ABCA10: variants seen among roughly 807,000 people sequenced by gnomAD.
The protein encoded by ABCA10 is ATP binding cassette subfamily A member 10.
Under a neutral mutation model 187.5 loss-of-function variants are expected in ABCA10, and 169 were observed. The observed-to-expected ratio is 0.90, with a 90% CI of 0.80 to 1.02. ABCA10 has a LOEUF of 1.02. Among genes scored for constraint, ABCA10 ranks in the 50% least tolerant of loss-of-function variants. The pLI is 0.00. For missense variants in ABCA10, 1,727 were observed against 1,812.4 expected (o/e 0.95, Z 0.86); for synonymous variants, 574 against 601.8 (o/e 0.95, Z 0.68).
chr17:69,157,609 G>A (rs1235314298), intron 27 of ABCA10, among the ~76,000 whole-genome samples: 1 of 152,120 alleles, frequency 6.6e-6, no homozygotes, highest in East Asian at 1.9e-4. Context: ...GTACCAGACT[G>A]GTAGTGTCCC....
chr17:69,199,380 T>A (rs1317694922), intron 10 of ABCA10, among the ~76,000 whole-genome samples: 1 of 152,216 alleles, frequency 6.6e-6, no homozygotes, highest in Non-Finnish European at 1.5e-5. Flanking sequence ...TAATGATGAA[T>A]AAGTTAAAAA....
At chr17:69,187,168 G>A in intron 19 of ABCA10, among the ~76,000 whole-genome samples, 1 of 152,078 alleles carries the variant, frequency 6.6e-6, no homozygotes, top group East Asian at 1.9e-4. Context: ...AAAACTGGCT[G>A]AAATCAGCTG....
At chr17:69,218,379 T>C (rs894425733) in intron 6 of ABCA10, among the ~76,000 whole-genome samples, 4 of 152,274 alleles carry the variant, frequency 2.6e-5, no homozygotes, top group African/African-American at 9.6e-5. Flanking sequence ...TTATAAGTTA[T>C]AGGTTTTAGG....
chr17:69,157,918 G>C (rs946533522), intron 27 of ABCA10, among the ~76,000 whole-genome samples: 3 of 151,640 alleles, frequency 2.0e-5, no homozygotes, highest in Admixed American at 1.3e-4. Context: ...GGGAGGGGGG[G>C]ATTTCTTAAA....
At chr17:69,159,309 T>A (rs757354419) in intron 27 of ABCA10, among the ~76,000 whole-genome samples, 20 of 152,010 alleles carry the variant, frequency 1.3e-4, no homozygotes, top group Non-Finnish European at 2.6e-4. Context: ...GCCTCAAAGA[T>A]TATCAAGCAT....
intron 2 of ABCA10, among the ~76,000 whole-genome samples, chr17:69,226,530 A>G (rs2074794872): frequency 6.6e-6 from 1 of 152,014 alleles, no homozygotes; most frequent in African/African-American, 2.4e-5. Flanking sequence ...TAGTAACACA[A>G]AGCAATGTCT....
chr17:69,198,805 C>T (rs1218711639), intron 10 of ABCA10, among the ~76,000 whole-genome samples: 1 of 152,164 alleles, frequency 6.6e-6, no homozygotes, highest in East Asian at 1.9e-4. Context: ...ATTTCCATTT[C>T]TCCAGTTGTG....
chr17:69,222,482 G>A, intron 4 of ABCA10, 51 bp downstream of exon 4: 1 of 1,374,484 alleles, frequency 7.3e-7, no homozygotes, highest in Non-Finnish European at 9.7e-7. Flanking sequence ...TCCAAACAGG[G>A]GATTCCATGA....
At position 69,214,707 on chromosome 17, in the gene ABCA10, G is replaced by T; in HGVS notation, c.1003C>A (p.Pro335Thr). Residue 335 changes from proline to threonine, a missense_variant, in exon 9 of 39, where the codon CCT (proline) becomes ACT (threonine). Coordinates refer to ENST00000690296, the MANE Select transcript of ABCA10 (RefSeq NM_001377321.1). ...TTTAACCACACTATTAACTTACCAGGTAAAACTCGCTCAAAATATAATGTG... is the reference window on the plus strand; with the variant it reads ...TTTAACCACACTATTAACTTACCAGTTAAAACTCGCTCAAAATATAATGTG... Reference protein sequence around the residue: ...IFTLYFERVLPDKDGHGDSPL... With the variant: ...IFTLYFERVLTDKDGHGDSPL... 6.7e-7 allele frequency: 1 copy of T among 1,497,902 alleles called. No individual in the cohort carries two copies. The highest frequency in any genetic ancestry group is 8.9e-7 in the Non-Finnish European group (1 of 1,129,044). The allele number at this position is 1,497,902 out of a possible 1,614,324, so 92.8% of individuals were successfully genotyped here.
intron 27 of ABCA10, among the ~76,000 whole-genome samples, chr17:69,161,064 A>C (rs1049955702): frequency 1.3e-5 from 2 of 152,202 alleles, no homozygotes; most frequent in Admixed American, 6.5e-5. Context: ...ATTCAATATT[A>C]TTCAACCTTA....
intron 16 of ABCA10, among the ~76,000 whole-genome samples, chr17:69,191,955 A>AAC (rs1410425809): frequency 1.3e-5 from 2 of 152,226 alleles, no homozygotes; most frequent in African/African-American, 4.8e-5. Context: ...ATTTAGGCCA[A>AAC]ATTGTTTTGC....
upstream of ABCA10, among the ~76,000 whole-genome samples, chr17:69,230,683 T>C (rs186146576): frequency 1.3e-5 from 2 of 152,176 alleles, no homozygotes; most frequent in Admixed American, 1.3e-4. Flanking sequence ...ACTATATTAA[T>C]GAACAATCAG....
At chr17:69,222,210 A>G (rs1002808447) in intron 4 of ABCA10, among the ~76,000 whole-genome samples, 2 of 151,700 alleles carry the variant, frequency 1.3e-5, no homozygotes, top group African/African-American at 4.8e-5. Flanking sequence ...CAAAAAAATT[A>G]GCCTGTAGTC....
intron 10 of ABCA10, 29 bp from the exon 11 acceptor site, chr17:69,197,151 A>G (rs1225670491): frequency 6.6e-7 from 1 of 1,514,426 alleles, no homozygotes; most frequent in Admixed American, 1.7e-5. Context: ...ATTTTCATGT[A>G]AATGCATTTT....
chr17:69,216,484 A>G (rs2144840479), intron 6 of ABCA10, 126 bp from the exon 7 acceptor site: 1 of 1,123,742 alleles, frequency 8.9e-7, no homozygotes, highest in Non-Finnish European at 1.2e-6. Context: ...GGGTGGCCAT[A>G]CACATTTTGT....
At chr17:69,223,824 A>T (rs2074771580) in intron 3 of ABCA10, 1 of 277,122 alleles carries the variant, frequency 3.6e-6, no homozygotes, top group Non-Finnish European at 7.2e-6. Context: ...GGAACAGGCG[A>T]GCATGGTAGC....
intron 27 of ABCA10, among the ~76,000 whole-genome samples, chr17:69,162,165 A>G (rs1372450550): frequency 6.6e-6 from 1 of 152,242 alleles, no homozygotes; most frequent in African/African-American, 2.4e-5. Flanking sequence ...ACAAGAGCAG[A>G]GCATTCAATG....
intron 25 of ABCA10, 89 bp downstream of exon 25, chr17:69,174,192 T>C: frequency 1.0e-6 from 1 of 967,090 alleles, no homozygotes; most frequent in Non-Finnish European, 1.5e-6. Flanking sequence ...CTCCATTCTC[T>C]TCTAAGCAAA....
chr17:69,179,708 A>G (rs1341181208), intron 22 of ABCA10, among the ~76,000 whole-genome samples: 1 of 152,158 alleles, frequency 6.6e-6, no homozygotes, highest in African/African-American at 2.4e-5. Flanking sequence ...GAATTTCTTT[A>G]TCTTGATATT....
Sources: gnomAD v4.1 joint callset for allele counts (sites outside exome capture counted in the v4.1 genomes callset) on GRCh38, gnomAD v4.1.1 for gene constraint, MANE v1.5 for transcripts, NCBI Gene and HGNC (gene_info 2026-07-23, HGNC 2026-07-21) for gene names.